DRC9: variants seen among roughly 807,000 people sequenced by gnomAD.
DRC9 encodes the protein dynein regulatory complex subunit 9, also known as dynein regulatory complex protein 9.
chr3:197,947,110 C>T, the DRC9 span, among the ~76,000 whole-genome samples: 5 of 152,208 alleles, frequency 3.3e-5, no homozygotes, highest in African/African-American at 7.2e-5. Context: ...GGCGCCCAGG[C>T]GGATTTTACT....
the DRC9 span, among the ~76,000 whole-genome samples, chr3:197,934,256 C>T: frequency 6.9e-6 from 1 of 145,784 alleles, no homozygotes; most frequent in African/African-American, 2.6e-5. Flanking sequence ...ACGATCTCGG[C>T]TCACTGCAAC....
chr3:197,950,985 G>A, the DRC9 span: 2 of 1,613,412 alleles, frequency 1.2e-6, no homozygotes, highest in African/African-American at 1.3e-5. Context: ...GAAGGTACGC[G>A]TTTTAAATAT....
the DRC9 span, chr3:197,951,395 C>T: frequency 2.7e-6 from 4 of 1,462,014 alleles, no homozygotes; most frequent in Non-Finnish European, 3.8e-6. Flanking sequence ...GCTCTGTTGC[C>T]GAGGCTGGAA....
At chr3:197,893,216 G>A in the DRC9 span, among the ~76,000 whole-genome samples, 4 of 151,992 alleles carry the variant, frequency 2.6e-5, no homozygotes, top group African/African-American at 9.7e-5. Context: ...AATTAGCTGG[G>A]CATGGTGGCG....
At chr3:197,945,829 C>G in the DRC9 span, 1 of 544,526 alleles carries the variant, frequency 1.8e-6, no homozygotes, top group Non-Finnish European at 3.3e-6. Context: ...GGAGCAGTCC[C>G]AGAGGCGAAA....
chr3:197,949,883 T>A, the DRC9 span: 1 of 394,700 alleles, frequency 2.5e-6, no homozygotes, highest in Non-Finnish European at 4.5e-6. Context: ...CACTCAGGGT[T>A]CGCCTTTCCA....
At chr3:197,957,899 G>C in the DRC9 span, 5 of 152,304 alleles carry the variant, frequency 3.3e-5, no homozygotes, top group Non-Finnish European at 7.3e-5. Context: ...AAATAGGGCG[G>C]CATCTCAAAG....
the DRC9 span, among the ~76,000 whole-genome samples, chr3:197,890,028 C>T: frequency 6.6e-6 from 1 of 152,164 alleles, no homozygotes; most frequent in African/African-American, 2.4e-5. Flanking sequence ...TCCAGGTTCC[C>T]CATACTTAAC....
At chr3:197,929,872 G>A in the DRC9 span, among the ~76,000 whole-genome samples, 15 of 152,012 alleles carry the variant, frequency 9.9e-5, no homozygotes, top group South Asian at 1.9e-3. The surrounding 1 kb of genome is among the most constrained non-coding windows in gnomAD (Gnocchi z 4.6). Context: ...TTGGGAGGCC[G>A]AGGCAGGCGA....
chr3:197,905,865 A>G, the DRC9 span, among the ~76,000 whole-genome samples: 1 of 152,210 alleles, frequency 6.6e-6, no homozygotes, highest in African/African-American at 2.4e-5. Flanking sequence ...AAGAGAAAAC[A>G]ATATCATCTC....
the DRC9 span, among the ~76,000 whole-genome samples, chr3:197,946,236 C>G: frequency 3.3e-5 from 5 of 151,338 alleles, no homozygotes; most frequent in African/African-American, 1.2e-4. Context: ...GAGATCGAGA[C>G]CATCCTGGCT....
At chr3:197,893,173 C>T in the DRC9 span, among the ~76,000 whole-genome samples, 3 of 151,858 alleles carry the variant, frequency 2.0e-5, no homozygotes, top group East Asian at 1.9e-4. Context: ...GTCTGACCAA[C>T]GTGGAGAAGC....
chr3:197,950,180 GGGCCTCGTCCTTCTCTTACCGCC>G, the DRC9 span: 2 of 1,231,720 alleles, frequency 1.6e-6, no homozygotes, highest in Non-Finnish European at 1.0e-6. Context: ...CCACGCGGCG[GGGCCTCGTCCTTCTCTTACCGCC>G]ATCTTGGCTC....
chr3:197,917,075 G>A, the DRC9 span, among the ~76,000 whole-genome samples: 3 of 152,200 alleles, frequency 2.0e-5, no homozygotes, highest in Non-Finnish European at 4.4e-5. Context: ...CAATGCTTTG[G>A]GAAACCAAGG....
chr3:197,939,711 A>T, the DRC9 span, among the ~76,000 whole-genome samples: 1 of 152,060 alleles, frequency 6.6e-6, no homozygotes, highest in South Asian at 2.1e-4. Context: ...TAAGGCAATA[A>T]GGGGAAATGT....
the DRC9 span, among the ~76,000 whole-genome samples, chr3:197,921,594 T>C: frequency 6.6e-6 from 1 of 151,710 alleles, no homozygotes; most frequent in African/African-American, 2.4e-5. Context: ...TCAGTAACTC[T>C]GCGGATTTAA....
chr3:197,944,440 T>C, the DRC9 span, among the ~76,000 whole-genome samples: 3 of 149,858 alleles, frequency 2.0e-5, no homozygotes, highest in East Asian at 5.8e-4. Context: ...GTGTTTTTAT[T>C]TTATTTTATT....
chr3:197,947,236 T>G, the DRC9 span, among the ~76,000 whole-genome samples: 7 of 152,226 alleles, frequency 4.6e-5, no homozygotes, highest in Non-Finnish European at 1.0e-4. Context: ...GATCTTTTAA[T>G]TTTTAAATTT....
At chr3:197,903,200 GTTAAAC>G in the DRC9 span, among the ~76,000 whole-genome samples, 90 of 152,210 alleles carry the variant, frequency 5.9e-4, 1 homozygote, top group African/African-American at 2.1e-3. Flanking sequence ...TGGTTAAAGA[GTTAAAC>G]TTAAGACCTC....
Sources: allele counts gnomAD v4.1 joint callset (sites outside exome capture counted in the v4.1 genomes callset), GRCh38; gene constraint gnomAD v4.1.1; non-coding constraint Gnocchi (gnomAD v3.1); transcripts MANE v1.5; gene names NCBI Gene and HGNC (gene_info 2026-07-23, HGNC 2026-07-21).